TUBGCP4: variants seen among roughly 807,000 people sequenced by gnomAD.
TUBGCP4 encodes gamma-tubulin complex component 4.
A neutral mutation model predicts 91.6 loss-of-function variants in TUBGCP4; 54 were observed. That is an observed-to-expected ratio of 0.59 (90% CI 0.47 to 0.74). The LOEUF is 0.74. TUBGCP4 is among the 30% of genes least tolerant of loss of function. The pLI is 0.00. For synonymous variants in TUBGCP4, 297 were observed against 302.8 expected, an observed-to-expected ratio of 0.98 and a Z score of 0.20; for missense variants, 593 against 800.9, an observed-to-expected ratio of 0.74 and a Z score of 3.13.
chr15:43,385,010 T>C (rs2044333857), intron 7 of TUBGCP4, among the ~76,000 whole-genome samples: 1 of 152,168 alleles, frequency 6.6e-6, no homozygotes, highest in South Asian at 2.1e-4. Context: ...GGAAGAATCA[T>C]TGATGATACC....
At chr15:43,383,096 A>G (rs1227588391) in intron 6 of TUBGCP4, among the ~76,000 whole-genome samples, 1 of 152,228 alleles carries the variant, frequency 6.6e-6, no homozygotes, top group East Asian at 1.9e-4. Flanking sequence ...ATATCAGCAC[A>G]TATACTGAAC....
chr15:43,395,356 CAT>C, intron 10 of TUBGCP4, 199 bp downstream of exon 10: 12 of 669,536 alleles, frequency 1.8e-5, no homozygotes, highest in South Asian at 3.7e-5. Context: ...TTTTTTCTGG[CAT>C]ATATATATAA....
intron 17 of TUBGCP4, chr15:43,404,955 C>T (rs1449996709): frequency 1.5e-5 from 8 of 536,608 alleles, no homozygotes; most frequent in South Asian, 2.7e-5. Context: ...AAACTGATAC[C>T]GAGATTCAGT....
At chr15:43,386,582 G>A (rs1229450677) in intron 9 of TUBGCP4, among the ~76,000 whole-genome samples, 5 of 148,286 alleles carry the variant, frequency 3.4e-5, no homozygotes, top group East Asian at 2.0e-4. Context: ...AAAATTAGTC[G>A]GGTGTGGTGG....
intron 17 of TUBGCP4, 45 bp from the exon 18 acceptor site, chr15:43,405,157 T>C (rs758412451): frequency 6.2e-7 from 1 of 1,611,662 alleles, no homozygotes; most frequent in Non-Finnish European, 8.5e-7. Context: ...GAAGGTAGTC[T>C]TGGGAAAGCA....
At chr15:43,394,525 T>G (rs1488578773) in intron 9 of TUBGCP4, 3 of 152,234 alleles carry the variant, frequency 2.0e-5, no homozygotes, top group African/African-American at 7.2e-5. Context: ...AGATTTTCTC[T>G]TCTCTTTTCT....
chr15:43,393,966 C>T (rs1310943023), intron 9 of TUBGCP4: 1 of 152,026 alleles, frequency 6.6e-6, no homozygotes, highest in Non-Finnish European at 1.5e-5. Flanking sequence ...TTTCATGTGC[C>T]TCTTTGCCTA....
In TUBGCP4 at chr15:43,407,824, C is replaced by T. The variant is rs2044963287; in HGVS notation, c.*2610C>T. The T allele has an allele frequency of 9.2e-7, 1 of 1,088,398 alleles. No individual in the cohort carries two copies. The highest frequency in any genetic ancestry group is 1.6e-5 in the South Asian group (1 of 63,458). 67.4% of individuals were successfully genotyped at this position (1,088,398 alleles called of 1,614,324 possible). On this transcript the variant is annotated 3_prime_UTR_variant, in exon 18 of 18. Transcript: ENST00000564079. ...ACCTCTTGAAGGTGGTACTTTTCTT[C>T]TCTAAGAAACATGGATACGGTCAAC... is the stretch of plus-strand genomic sequence containing the variant.
chr15:43,406,529 GC>G lies in TUBGCP4; in HGVS notation c.*1316del. On this transcript the variant is annotated 3_prime_UTR_variant, in exon 18 of 18. Transcript: ENST00000564079. ...CTATGGTTGCTTTCATGCCCTCACA[GC>G]AAAGGCGAGTAGTTGTGATGGATCA... is the stretch of plus-strand genomic sequence containing the variant. 2.2e-6 allele frequency: 1 copy of G among 452,932 alleles called. No homozygotes were observed. The highest frequency in any genetic ancestry group is 4.4e-6 in the Non-Finnish European group (1 of 225,704). 28.1% of individuals were successfully genotyped at this position (452,932 alleles called of 1,614,324 possible). A position where few individuals can be genotyped will look rare whatever the true frequency, so the allele number is the denominator to read the frequency against.
At chr15:43,404,183 C>G (rs2044777371) in intron 16 of TUBGCP4, 2 of 550,670 alleles carry the variant, frequency 3.6e-6, no homozygotes, top group Non-Finnish European at 6.4e-6. Context: ...AACTGGAAAC[C>G]AGCTACTAAA....
chr15:43,372,364 C>T (rs537584327), intron 1 of TUBGCP4, among the ~76,000 whole-genome samples: 1 of 152,046 alleles, frequency 6.6e-6, no homozygotes, highest in East Asian at 1.9e-4. Flanking sequence ...AAACAGTTTC[C>T]TTTCGTTATT....
intron 10 of TUBGCP4, 181 bp downstream of exon 10, chr15:43,395,338 G>A (rs986114479): frequency 1.4e-6 from 1 of 723,298 alleles, no homozygotes; most frequent in Admixed American, 2.5e-5. Context: ...AAAGATTTGG[G>A]AGTGTACTTT....
intron 14 of TUBGCP4, among the ~76,000 whole-genome samples, chr15:43,400,919 A>C (rs1224998615): frequency 2.1e-5 from 3 of 144,064 alleles, no homozygotes; most frequent in South Asian, 2.3e-4. Flanking sequence ...CTCCGTCTCC[A>C]AAAAAAAAAA....
chr15:43,394,342 T>G (rs866814817), intron 9 of TUBGCP4: 7 of 152,038 alleles, frequency 4.6e-5, no homozygotes, highest in Admixed American at 2.0e-4. Context: ...TCAGCCTCCT[T>G]AAGTCCTGGG....
chr15:43,371,297 C>G lies in TUBGCP4; in HGVS notation c.-58C>G, dbSNP rs907267867. The stretch of plus-strand genomic sequence containing the variant: ...GGGGAAGCACTCCCCTCGTGGTCGC[C>G]TGGAGGTGCGCTGGAGGAGGGGGTG... On this transcript the variant is annotated 5_prime_UTR_variant, in exon 1 of 18. Transcript: ENST00000564079. The G allele has an allele frequency of 6.4e-6, 10 of 1,568,140 alleles. No individual in the cohort carries two copies. In the South Asian group the frequency reaches 1.0e-4, roughly 16 times the overall value.
intron 13 of TUBGCP4, among the ~76,000 whole-genome samples, chr15:43,399,488 G>A (rs1012284950): frequency 2.0e-5 from 3 of 152,086 alleles, no homozygotes; most frequent in Non-Finnish European, 1.5e-5. Context: ...GGGACTATAG[G>A]TGGGCACCAC....
chr15:43,372,743 A>T (rs1198566728), intron 1 of TUBGCP4, among the ~76,000 whole-genome samples: 1 of 152,178 alleles, frequency 6.6e-6, no homozygotes, highest in Non-Finnish European at 1.5e-5. Context: ...CTTTAAAGTC[A>T]CTTTGTCAGA....
intron 2 of TUBGCP4, 98 bp from the exon 3 acceptor site, chr15:43,376,405 T>C: frequency 6.2e-7 from 1 of 1,610,996 alleles, no homozygotes. Flanking sequence ...CTCTAATTGG[T>C]TTGTTTGTAT....
At chr15:43,380,972 T>A (rs1595480952) in intron 6 of TUBGCP4, among the ~76,000 whole-genome samples, 1 of 152,224 alleles carries the variant, frequency 6.6e-6, no homozygotes, top group East Asian at 1.9e-4. Context: ...TTTTTCTTAT[T>A]TTATTTTAAT....
Sources: gnomAD v4.1 joint callset for allele counts (sites outside exome capture counted in the v4.1 genomes callset) on GRCh38, gnomAD v4.1.1 for gene constraint, MANE v1.5 for transcripts, NCBI Gene and HGNC (gene_info 2026-07-23, HGNC 2026-07-21) for gene names.